SH3GL2: variants seen among roughly 807,000 people sequenced by gnomAD.
SH3GL2 encodes the protein endophilin-A1.
In SH3GL2, 24 loss-of-function variants were observed where a neutral mutation model predicts 46.0. The ratio of observed to expected loss-of-function variants is 0.52; its 90% confidence interval spans 0.38 to 0.73. The LOEUF (loss-of-function observed/expected upper bound fraction) is 0.73. Ranked by LOEUF, SH3GL2 falls within the 30% of genes least tolerant of loss-of-function variation. The pLI is 0.00. For missense variants in SH3GL2, 413 were observed against 424.2 expected, an observed-to-expected ratio of 0.97 and a Z score of 0.23; for synonymous variants, 196 against 147.1, an observed-to-expected ratio of 1.33 and a Z score of -2.40.
chr9:17,664,601 A>T (rs1820298318), intron 1 of SH3GL2, among the ~76,000 whole-genome samples: 1 of 152,062 alleles, frequency 6.6e-6, no homozygotes, highest in African/African-American at 2.4e-5. Flanking sequence ...AACAAGTTTG[A>T]CAAAAAAGCA....
At chr9:17,778,336 C>T (rs1167515794) in intron 3 of SH3GL2, among the ~76,000 whole-genome samples, 1 of 152,136 alleles carries the variant, frequency 6.6e-6, no homozygotes, top group Non-Finnish European at 1.5e-5. Context: ...GGAGCCTATA[C>T]TCTGGAAGGA....
chr9:17,737,688 G>C (rs1353293171), intron 1 of SH3GL2, among the ~76,000 whole-genome samples: 1 of 151,830 alleles, frequency 6.6e-6, no homozygotes, highest in East Asian at 1.9e-4. Flanking sequence ...CTGTTTTTTG[G>C]TTTTGGTCGT....
intron 1 of SH3GL2, among the ~76,000 whole-genome samples, chr9:17,719,757 T>C (rs1262752322): frequency 6.6e-6 from 1 of 150,646 alleles, no homozygotes; most frequent in Admixed American, 6.6e-5. Context: ...TGCATCACTG[T>C]ACTCTAGTCT....
At chr9:17,724,245 G>T (rs1339383835) in intron 1 of SH3GL2, among the ~76,000 whole-genome samples, 1 of 151,776 alleles carries the variant, frequency 6.6e-6, no homozygotes. Flanking sequence ...TCATTCTTTT[G>T]CCCATGCAAA....
At chr9:17,676,939 A>C (rs918061696) in intron 1 of SH3GL2, among the ~76,000 whole-genome samples, 4 of 152,094 alleles carry the variant, frequency 2.6e-5, no homozygotes, top group South Asian at 2.1e-4. Flanking sequence ...CTATGTGCCA[A>C]ATATGCCATA....
At chr9:17,755,498 C>G (rs184462220) in intron 2 of SH3GL2, among the ~76,000 whole-genome samples, 3 of 152,160 alleles carry the variant, frequency 2.0e-5, no homozygotes, top group Admixed American at 2.0e-4. Flanking sequence ...TAGATGGGGT[C>G]TCACTTTTTC....
intron 3 of SH3GL2, among the ~76,000 whole-genome samples, chr9:17,777,429 A>G (rs1467879577): frequency 1.3e-5 from 2 of 152,322 alleles, no homozygotes; most frequent in East Asian, 3.9e-4. Context: ...TTAAAAAGAA[A>G]GTATATGGGT....
Position 17,579,113 on chromosome 9 carries a change from C to A in SH3GL2, c.-130C>A, listed in dbSNP as rs540242145. 9 of 544,062 alleles carry A rather than the reference C, an allele frequency of 1.7e-5. No homozygotes were observed. The Admixed American group carries it at 4.0e-4, about 24-fold the overall frequency. 33.7% of individuals were successfully genotyped at this position (544,062 alleles called of 1,614,324 possible). On this transcript the variant is annotated 5_prime_UTR_variant, in exon 1 of 9. Coordinates refer to ENST00000380607, the MANE Select transcript of SH3GL2 (RefSeq NM_003026.5). The stretch of plus-strand genomic sequence containing the variant: ...GCCCGTGTCCCGCTAGGCTCCGCGC[C>A]CTCGCGCCCATAGCCCCGGCGGCGG...
At chr9:17,602,978 T>G (rs1818697292) in intron 1 of SH3GL2, among the ~76,000 whole-genome samples, 1 of 152,298 alleles carries the variant, frequency 6.6e-6, no homozygotes, top group East Asian at 1.9e-4. Flanking sequence ...TTTACTTTAG[T>G]TGTAGCAAAG....
chr9:17,632,757 G>C (rs1179751678), intron 1 of SH3GL2, among the ~76,000 whole-genome samples: 6 of 152,234 alleles, frequency 3.9e-5, no homozygotes, highest in Admixed American at 6.5e-5. Flanking sequence ...TAGCTTTAGG[G>C]ATGTTCTTAA....
intron 1 of SH3GL2, among the ~76,000 whole-genome samples, chr9:17,584,786 G>A (rs1444175447): frequency 6.6e-6 from 1 of 152,044 alleles, no homozygotes. Flanking sequence ...GGGCCTGTGG[G>A]GTATATGAAA....
chr9:17,648,596 C>G (rs374192826), intron 1 of SH3GL2, among the ~76,000 whole-genome samples: 75 of 152,182 alleles, frequency 4.9e-4, no homozygotes, highest in African/African-American at 1.8e-3. Context: ...TTCTTGTTGT[C>G]ATTATTATTA....
intron 3 of SH3GL2, among the ~76,000 whole-genome samples, chr9:17,770,685 AT>A (rs943392355): frequency 1.3e-5 from 2 of 152,242 alleles, no homozygotes; most frequent in African/African-American, 4.8e-5. Context: ...TACGAGAGAC[AT>A]TCCCTTCCTT....
intron 1 of SH3GL2, among the ~76,000 whole-genome samples, chr9:17,642,841 G>A (rs756528088): frequency 6.6e-6 from 1 of 151,938 alleles, no homozygotes; most frequent in Non-Finnish European, 1.5e-5. Context: ...GGACTTTTTT[G>A]GTTCCATATG....
intron 1 of SH3GL2, among the ~76,000 whole-genome samples, chr9:17,722,151 G>A (rs924481487): frequency 6.6e-6 from 1 of 152,094 alleles, no homozygotes; most frequent in African/African-American, 2.4e-5. Context: ...CCAGAAAGTG[G>A]CAGGATTGAT....
At chr9:17,674,933 C>T (rs1563807041) in intron 1 of SH3GL2, among the ~76,000 whole-genome samples, 2 of 152,022 alleles carry the variant, frequency 1.3e-5, no homozygotes. Flanking sequence ...CCAGACCAGC[C>T]CAGATTCAAG....
intron 1 of SH3GL2, among the ~76,000 whole-genome samples, chr9:17,739,075 C>T (rs1822447112): frequency 6.6e-6 from 1 of 152,102 alleles, no homozygotes; most frequent in South Asian, 2.1e-4. Flanking sequence ...TACCCAGGTC[C>T]ACCCTGTTGT....
chr9:17,671,425 C>T lies in SH3GL2; in HGVS notation c.46-75641C>T, dbSNP rs546511478. Among the ~76,000 whole-genome samples, 32 of 151,992 alleles carry T rather than the reference C, an allele frequency of 2.1e-4. No individual in the cohort carries two copies. In the East Asian group the frequency reaches 5.6e-3, roughly 27 times the overall value. On this transcript the variant is annotated intron_variant, in intron 1 of 8. Coordinates refer to ENST00000380607, the MANE Select transcript of SH3GL2 (RefSeq NM_003026.5). The stretch of plus-strand genomic sequence containing the variant: ...AGGGGAAGGTTATGAGGCGATAACA[C>T]GACAAGGTGACTGTAGTCAATAATA...
chr9:17,692,343 T>A (rs1821103485), intron 1 of SH3GL2, among the ~76,000 whole-genome samples: 1 of 152,040 alleles, frequency 6.6e-6, no homozygotes, highest in African/African-American at 2.4e-5. Flanking sequence ...ATGTGCTTGC[T>A]TGTAAATATT....
Sources: allele counts gnomAD v4.1 joint callset (sites outside exome capture counted in the v4.1 genomes callset), GRCh38; gene constraint gnomAD v4.1.1; transcripts MANE v1.5; gene names NCBI Gene and HGNC (gene_info 2026-07-23, HGNC 2026-07-21).